The following HPSE2 variants were observed in gnomAD, a reference collection of about 807,000 sequenced individuals.
HPSE2 encodes the protein inactive heparanase-2.
In HPSE2, 38 loss-of-function variants were observed where a neutral mutation model predicts 60.5. The observed-to-expected ratio is 0.63, with a 90% CI of 0.48 to 0.82. HPSE2 has a LOEUF of 0.82. HPSE2 is among the 40% of genes least tolerant of loss of function. HPSE2 has a pLI of 0.00. For synonymous variants in HPSE2, 295 were observed against 293.2 expected, an observed-to-expected ratio of 1.01 and a Z score of -0.06; for missense variants, 713 against 740.4, an observed-to-expected ratio of 0.96 and a Z score of 0.43.
chr10:98,904,582 C>T (rs1203939178), intron 3 of HPSE2, among the ~76,000 whole-genome samples: 5 of 152,136 alleles, frequency 3.3e-5, no homozygotes, highest in Non-Finnish European at 7.4e-5. Flanking sequence ...TACTATGGTT[C>T]CAGTTTCTCA....
intron 3 of HPSE2, among the ~76,000 whole-genome samples, chr10:98,867,451 A>T (rs1952617208): frequency 6.6e-6 from 1 of 151,144 alleles, no homozygotes; most frequent in African/African-American, 2.4e-5. Context: ...ATGAGATATC[A>T]TCTCATTCCA....
intron 3 of HPSE2, among the ~76,000 whole-genome samples, chr10:98,999,798 C>A (rs17111066): frequency 3.3e-5 from 5 of 151,996 alleles, no homozygotes; most frequent in African/African-American, 9.7e-5. Flanking sequence ...TAGGCCTGGA[C>A]AAAATCATGC....
intron 3 of HPSE2, among the ~76,000 whole-genome samples, chr10:99,074,305 G>A (rs1421419746): frequency 6.6e-6 from 1 of 151,880 alleles, no homozygotes; most frequent in Non-Finnish European, 1.5e-5. Context: ...TGCATCTATT[G>A]AGATAATTAT....
At position 99,144,159 on chromosome 10, in the gene HPSE2, T is replaced by C. The variant is rs1376191426; in HGVS notation, c.610+79A>G. On this transcript the variant is annotated intron_variant, in intron 3 of 11. Coordinates refer to ENST00000370552, the MANE Select transcript of HPSE2 (RefSeq NM_021828.5). Reference sequence around the variant, plus strand: ...AATTTAAAAAGTGATATAGTGGGTGTAGACAGACAGATGTGTACCCCAAAA... The same window carrying C: ...AATTTAAAAAGTGATATAGTGGGTGCAGACAGACAGATGTGTACCCCAAAA... The C allele has an allele frequency of 1.9e-5, 24 of 1,288,774 alleles. No individual in the cohort carries two copies. The East Asian group carries it at 5.3e-4, about 28-fold the overall frequency. The allele number at this position is 1,288,774 out of a possible 1,614,324, so 79.8% of individuals were successfully genotyped here.
chr10:98,679,417 A>G (rs1440867280), intron 6 of HPSE2, among the ~76,000 whole-genome samples: 1 of 152,172 alleles, frequency 6.6e-6, no homozygotes, highest in Non-Finnish European at 1.5e-5. Context: ...GACATGTGAC[A>G]ATGTCATTGC....
At chr10:99,293,866 T>C in the HPSE2 span, among the ~76,000 whole-genome samples, 34 of 152,158 alleles carry the variant, frequency 2.2e-4, no homozygotes, top group African/African-American at 8.2e-4. Flanking sequence ...TATAAATGTC[T>C]TATTCTCTCA....
At chr10:98,602,844 T>G (rs1945467293) in intron 9 of HPSE2, among the ~76,000 whole-genome samples, 1 of 152,154 alleles carries the variant, frequency 6.6e-6, no homozygotes, top group South Asian at 2.1e-4. Context: ...GAGCTACAAC[T>G]ATACAAATTC....
intron 3 of HPSE2, among the ~76,000 whole-genome samples, chr10:98,992,343 G>T (rs1236421972): frequency 6.6e-6 from 1 of 151,780 alleles, no homozygotes; most frequent in Non-Finnish European, 1.5e-5. Flanking sequence ...GAATTTCTTA[G>T]TAATAATTCT....
chr10:99,140,344 A>G (rs145703726), intron 3 of HPSE2, among the ~76,000 whole-genome samples: 6 of 152,372 alleles, frequency 3.9e-5, no homozygotes, highest in East Asian at 3.9e-4. Context: ...TCATAAAGGA[A>G]TATTAGAAAG....
chr10:98,949,074 G>A (rs1474455511), intron 3 of HPSE2, among the ~76,000 whole-genome samples: 1 of 151,982 alleles, frequency 6.6e-6, no homozygotes, highest in Admixed American at 6.6e-5. Context: ...CAACTCCCGT[G>A]TTTTCAGGGG....
chr10:99,030,422 T>C (rs1957474087), intron 3 of HPSE2, among the ~76,000 whole-genome samples: 1 of 152,068 alleles, frequency 6.6e-6, no homozygotes, highest in African/African-American at 2.4e-5. Context: ...ATCAGAGAAA[T>C]ACAAATGAAA....
chr10:99,314,539 T>C, the HPSE2 span, among the ~76,000 whole-genome samples: 2 of 152,284 alleles, frequency 1.3e-5, no homozygotes, highest in East Asian at 1.9e-4. Context: ...GACTACAATA[T>C]AGTGTAAACA....
chr10:98,864,239 G>A (rs930334810), intron 3 of HPSE2, among the ~76,000 whole-genome samples: 5 of 152,120 alleles, frequency 3.3e-5, no homozygotes, highest in Admixed American at 2.6e-4. Flanking sequence ...GCTTCTCAAC[G>A]TTTTTAAATT....
chr10:98,733,164 AG>A (rs1437949816), intron 4 of HPSE2, among the ~76,000 whole-genome samples: 2 of 152,130 alleles, frequency 1.3e-5, no homozygotes, highest in African/African-American at 4.8e-5. Context: ...TCTGTTACCC[AG>A]GCTGGAGTGC....
At chr10:99,280,586 A>G in the HPSE2 span, among the ~76,000 whole-genome samples, 3 of 152,182 alleles carry the variant, frequency 2.0e-5, no homozygotes, top group Non-Finnish European at 4.4e-5. Flanking sequence ...GGACAATGGA[A>G]CAGTCACAGT....
the HPSE2 span, among the ~76,000 whole-genome samples, chr10:99,251,595 CT>C: frequency 6.6e-6 from 1 of 151,986 alleles, no homozygotes; most frequent in South Asian, 2.1e-4. Flanking sequence ...CAACAAAATA[CT>C]AGCAAACCGA....
intron 3 of HPSE2, among the ~76,000 whole-genome samples, chr10:99,105,333 A>C (rs1422584388): frequency 1.3e-5 from 2 of 152,132 alleles, no homozygotes; most frequent in African/African-American, 4.8e-5. Flanking sequence ...CCTGTTGGTT[A>C]ATGATGTTAA....
intron 3 of HPSE2, among the ~76,000 whole-genome samples, chr10:98,904,206 GA>G (rs1386239560): frequency 6.6e-6 from 1 of 151,974 alleles, no homozygotes; most frequent in African/African-American, 2.4e-5. Context: ...TAAAATCTGA[GA>G]AAAATAATTA....
chr10:98,669,988 G>A (rs913668495), intron 6 of HPSE2, among the ~76,000 whole-genome samples: 2 of 152,200 alleles, frequency 1.3e-5, no homozygotes, highest in Non-Finnish European at 1.5e-5. Flanking sequence ...TGACATTGGG[G>A]CAGAGTCCTG....
Sources: allele counts gnomAD v4.1 joint callset (sites outside exome capture counted in the v4.1 genomes callset), GRCh38; gene constraint gnomAD v4.1.1; transcripts MANE v1.5; gene names NCBI Gene and HGNC (gene_info 2026-07-23, HGNC 2026-07-21).